Variants in LEPR observed in about 807,000 individuals in gnomAD.
LEPR encodes the protein OB receptor.
Under a neutral mutation model 114.7 loss-of-function variants are expected in LEPR, and 56 were observed. The ratio of observed to expected loss-of-function variants is 0.49; its 90% CI spans 0.39 to 0.61. LEPR has a LOEUF of 0.61. Ranked by LOEUF, LEPR falls within the 20% of genes least tolerant of loss-of-function variation. LEPR has a pLI of 0.00. For missense variants in LEPR, 1,202 were observed against 1,352.9 expected (o/e 0.89, Z 1.75); for synonymous variants, 443 against 461.4 (o/e 0.96, Z 0.51).
intron 2 of LEPR, among the ~76,000 whole-genome samples, chr1:65,539,796 G>T (rs990763760): frequency 3.9e-5 from 6 of 152,156 alleles, no homozygotes; most frequent in Admixed American, 3.3e-4. Flanking sequence ...ACATGAAAGG[G>T]CAGATGAGCT....
At chr1:65,635,187 T>G (rs541934061) in intron 19 of LEPR, 2 of 959,516 alleles carry the variant, frequency 2.1e-6, no homozygotes, top group South Asian at 9.6e-5. Context: ...GTTTAAAAAT[T>G]GTAAAATTCA....
intron 2 of LEPR, among the ~76,000 whole-genome samples, chr1:65,441,194 G>T (rs570429098): frequency 6.6e-6 from 1 of 152,328 alleles, no homozygotes; most frequent in South Asian, 2.1e-4. Context: ...CTGAAACTAT[G>T]TCCTAATAGC....
At chr1:65,488,121 CTT>C (rs1647601607) in intron 2 of LEPR, among the ~76,000 whole-genome samples, 1 of 128,812 alleles carries the variant, frequency 7.8e-6, no homozygotes, top group Admixed American at 8.4e-5. Context: ...TTCTTTCTTT[CTT>C]TCTTTCCCTC....
At chr1:65,488,186 T>TCTCTCTCTCTC (rs1557619986) in intron 2 of LEPR, among the ~76,000 whole-genome samples, 1 of 20,812 alleles carries the variant, frequency 4.8e-5, no homozygotes, top group East Asian at 6.3e-4. Flanking sequence ...CTTTCTTTCT[T>TCTCTCTCTCTC]TCTTTCTTTC....
chr1:65,529,363 A>C (rs918338999), intron 2 of LEPR, among the ~76,000 whole-genome samples: 2 of 151,974 alleles, frequency 1.3e-5, no homozygotes, highest in African/African-American at 4.8e-5. Context: ...TACTAAAAAT[A>C]TAAAAAAATT....
Position 65,431,773 on chromosome 1 carries a change from G to A in LEPR, c.-21+6395G>A. The A allele has an allele frequency of 3.1e-6, 5 of 1,602,030 alleles. No homozygotes were observed. In the South Asian group the frequency reaches 4.5e-5, roughly 14 times the overall value. ...AAAGAGTACAATATGAAGGAAGTAA[G>A]GATTTAATCCTTCTTTTCTTGTCTT... On this transcript the variant is annotated intron_variant, in intron 2 of 19. Coordinates refer to ENST00000349533, the MANE Select transcript of LEPR (RefSeq NM_002303.6).
At chr1:65,495,197 A>C (rs1320146535) in intron 2 of LEPR, among the ~76,000 whole-genome samples, 1 of 152,182 alleles carries the variant, frequency 6.6e-6, no homozygotes, top group Non-Finnish European at 1.5e-5. Flanking sequence ...ATATACAAGG[A>C]GCTGAAACAA....
chr1:65,421,470 A>G lies in LEPR; in HGVS notation c.-97+730A>G, dbSNP rs1646249162. ...GCTTCCTGTATTTTGGTAGGAAAAC[A>G]TTCCATTTCTAATCTGTCGAATAGA... On this transcript the variant is annotated intron_variant, in intron 1 of 19. Transcript: ENST00000349533. 4 of 1,535,998 alleles carry G rather than the reference A, an allele frequency of 2.6e-6. No individual in the cohort carries two copies. In the South Asian group the frequency reaches 4.8e-5, roughly 18 times the overall value.
At chr1:65,597,520 G>A (rs1028185096) in intron 7 of LEPR, among the ~76,000 whole-genome samples, 7 of 152,006 alleles carry the variant, frequency 4.6e-5, no homozygotes, top group Admixed American at 2.6e-4. Context: ...GAGCAAGGAT[G>A]TGAAGGAGAT....
At chr1:65,552,605 A>G (rs576798738) in intron 2 of LEPR, among the ~76,000 whole-genome samples, 1 of 152,030 alleles carries the variant, frequency 6.6e-6, no homozygotes, top group Non-Finnish European at 1.5e-5. Context: ...TGTGTCTCAC[A>G]TGCAAAGGCA....
intron 2 of LEPR, among the ~76,000 whole-genome samples, chr1:65,426,259 C>T (rs543643776): frequency 2.0e-5 from 3 of 152,016 alleles, no homozygotes; most frequent in African/African-American, 7.3e-5. Flanking sequence ...ATAGCCTTTT[C>T]AGGAAACCAC....
At chr1:65,629,818 A>G (rs573259830) in intron 19 of LEPR, among the ~76,000 whole-genome samples, 2 of 151,942 alleles carry the variant, frequency 1.3e-5, no homozygotes, top group Non-Finnish European at 2.9e-5. Context: ...TGGACTCTCC[A>G]GGAACTCCTC....
intron 2 of LEPR, chr1:65,435,163 C>A (rs769677957): frequency 4.1e-6 from 4 of 985,366 alleles, no homozygotes; most frequent in Non-Finnish European, 4.8e-6. Flanking sequence ...GAGTTCTGAG[C>A]TGGTCCTGCT....
rs370786261 is a variant in LEPR, at chr1:65,601,839, A to G, written c.1286-4A>G. ...ATATTAATATTTTAATATGTTTCAAATAGATGTCAATATCAATATCTCATG... is the reference window on the plus strand; with the variant it reads ...ATATTAATATTTTAATATGTTTCAAGTAGATGTCAATATCAATATCTCATG... On this transcript the variant is annotated splice_polypyrimidine_tract_variant and splice_region_variant and intron_variant, in intron 9 of 19. Coordinates refer to ENST00000349533, the MANE Select transcript of LEPR (RefSeq NM_002303.6). 6.2e-7 allele frequency: 1 copy of G among 1,611,148 alleles called. No homozygotes were observed.
At chr1:65,439,828 C>CAAA (rs34603511) in intron 2 of LEPR, among the ~76,000 whole-genome samples, 3 of 56,572 alleles carry the variant, frequency 5.3e-5, no homozygotes, top group Non-Finnish European at 7.0e-5. Context: ...AACTCCATCT[C>CAAA]AAAAAAAAAA....
intron 15 of LEPR, among the ~76,000 whole-genome samples, chr1:65,617,640 G>C (rs891375972): frequency 6.6e-6 from 1 of 152,186 alleles, no homozygotes; most frequent in Admixed American, 6.5e-5. Context: ...TTTGTGCTTT[G>C]AGAGTATCAC....
chr1:65,564,060 C>T (rs1653497585), intron 2 of LEPR, among the ~76,000 whole-genome samples: 1 of 145,666 alleles, frequency 6.9e-6, no homozygotes, highest in East Asian at 1.9e-4. Flanking sequence ...GGCAGGCCTC[C>T]TTGAGCTGTG....
chr1:65,429,844 C>T (rs1646451976), intron 2 of LEPR: 2 of 1,399,282 alleles, frequency 1.4e-6, no homozygotes, highest in Non-Finnish European at 1.9e-6. Flanking sequence ...TTGGATTTTG[C>T]CTGGGTCCAA....
rs1166319657 is a variant in LEPR at position 65,636,804 on chromosome 1, A to C, written c.3287A>C (p.Asp1096Ala). The C allele has an allele frequency of 1.2e-6, 2 of 1,613,918 alleles. No homozygotes were observed. The highest frequency in any genetic ancestry group is 1.7e-6 in the Non-Finnish European group (2 of 1,179,994). Residue 1096 changes from aspartate (D) to alanine (A), a missense_variant, in exon 20 of 20, where the codon GAC becomes GCC. Transcript: ENST00000349533. ...KKRESGVLLT[D>A]KSRVSCPFPA... ...AGAGAGAGTGGTGTGCTTTTGACTG[A>C]CAAGTCAAGGGTATCGTGCCCATTC...
Sources: allele counts gnomAD v4.1 joint callset (sites outside exome capture counted in the v4.1 genomes callset), GRCh38; gene constraint gnomAD v4.1.1; transcripts MANE v1.5; gene names NCBI Gene and HGNC (gene_info 2026-07-23, HGNC 2026-07-21).